PCDHGA6: variants seen among roughly 807,000 people sequenced by gnomAD.
PCDHGA6 encodes the protein protocadherin gamma subfamily A, 6, also known as protocadherin gamma-A6.
PCDHGA6 carries 41 observed loss-of-function variants against 60.6 expected under a neutral mutation model. The observed-to-expected ratio is 0.68, with a 90% CI of 0.53 to 0.88. The LOEUF is 0.88. Among genes scored for constraint, PCDHGA6 ranks in the 40% least tolerant of loss-of-function variants. The pLI is 0.00. For missense variants in PCDHGA6, 1,312 were observed against 1,203.0 expected (o/e 1.09, Z -1.34); for synonymous variants, 594 against 524.4 (o/e 1.13, Z -1.81).
chr5:141,374,277 G>C lies in PCDHGA6; in HGVS notation c.194G>C (p.Arg65Pro). The change falls in exon 1 of 4, where the codon CGC becomes CCC. Residue 65 changes from arginine to proline, a missense_variant. By Grantham distance (103) the Arg-to-Pro change is moderately radical (BLOSUM62 -2). Transcript: ENST00000517434. The part of the protein sequence containing the change: ...EPQELAEHGV[R>P]IVSRGRMQLF... ...CAGGAGTTGGCGGAGCACGGAGTCC[G>C]CATCGTCTCCAGAGGTAGGATGCAG... The C allele has an allele frequency of 1.2e-6, 2 of 1,613,958 alleles. No homozygotes were observed. The highest frequency in any genetic ancestry group is 1.3e-5 in the African/African-American group (1 of 75,066).
At chr5:141,399,063 A>C in intron 1 of PCDHGA6, 1 of 1,613,714 alleles carries the variant, frequency 6.2e-7, no homozygotes. Flanking sequence ...AGGAATATTC[A>C]ATGGTTGTAG....
At chr5:141,428,004 G>A in intron 1 of PCDHGA6, 1 of 1,601,732 alleles carries the variant, frequency 6.2e-7, no homozygotes, top group Non-Finnish European at 8.5e-7. Flanking sequence ...CGCACTCTTC[G>A]ATATAGTGCC....
intron 1 of PCDHGA6, chr5:141,423,595 G>A: frequency 6.2e-7 from 1 of 1,613,216 alleles, no homozygotes; most frequent in Non-Finnish European, 8.5e-7. Flanking sequence ...TGAGAAAAGC[G>A]AGCCACTCTT....
intron 1 of PCDHGA6, chr5:141,383,225 T>C: frequency 6.2e-7 from 1 of 1,613,970 alleles, no homozygotes; most frequent in Non-Finnish European, 8.5e-7. Flanking sequence ...TTTAACATCC[T>C]GATGGAAGAT....
At chr5:141,424,022 A>G (rs2096795541) in intron 1 of PCDHGA6, 13 of 1,046,584 alleles carry the variant, frequency 1.2e-5, no homozygotes, top group Non-Finnish European at 1.4e-5. Context: ...ATGATTCACA[A>G]ACACTTTTTA....
chr5:141,375,232 C>A lies in PCDHGA6; in HGVS notation c.1149C>A (p.Thr383=). ...ACTCTGGCCTGAATGGCCTGGTAAC[C>A]TGTTCCATCCCGAGAAGTCTCCCAT... ...DRDSGLNGLV[T]CSIPRSLPFE... The change falls in exon 1 of 4, where the codon ACC becomes ACA. Residue 383 remains threonine (T), a synonymous_variant. Transcript: ENST00000517434. The A allele has an allele frequency of 6.2e-7, 1 of 1,613,986 alleles. No individual in the cohort carries two copies. Among genetic ancestry groups the A allele is most frequent in the South Asian group, 1.1e-5 (1 of 91,084 alleles).
chr5:141,445,025 C>T (rs2154560886), intron 1 of PCDHGA6, among the ~76,000 whole-genome samples: 2 of 152,200 alleles, frequency 1.3e-5, no homozygotes, highest in Middle Eastern at 6.8e-3. Flanking sequence ...TTTCTCTCAG[C>T]TATGTTGTAT....
chr5:141,417,683 A>AAG lies in PCDHGA6; in HGVS notation c.2424+41177_2424+41178insGA, dbSNP rs201105096. 3.0e-3 allele frequency: 3,154 copies of AAG among 1,038,272 alleles called. 110 individuals carry two copies. In the East Asian group the frequency reaches 0.071, roughly 24 times the overall value. The allele number at this position is 1,038,272 out of a possible 1,614,324, so 64.3% of individuals were successfully genotyped here. The stretch of plus-strand genomic sequence containing the variant: ...GATTCCCTGCGCAGCCAACAACAGA[A>AAG]AAGAAAACCAGCTCCCACACAGAGG... On this transcript the variant is annotated intron_variant, in intron 1 of 3. Transcript: ENST00000517434.
chr5:141,462,243 A>C (rs141980823), intron 1 of PCDHGA6, among the ~76,000 whole-genome samples: 70 of 152,368 alleles, frequency 4.6e-4, no homozygotes, highest in African/African-American at 1.6e-3. Flanking sequence ...TACAGGTATG[A>C]GCCACCATGA....
chr5:141,485,214 G>T lies in PCDHGA6; in HGVS notation c.2425-9593G>T. 6.2e-7 allele frequency: 1 copy of T among 1,614,164 alleles called. No individual in the cohort carries two copies. The highest frequency in any genetic ancestry group is 8.5e-7 in the Non-Finnish European group (1 of 1,179,996). On this transcript the variant is annotated intron_variant, in intron 1 of 3. Transcript: ENST00000517434. This position sits in a 1 kb window ranked among gnomAD's most constrained non-coding sequence, Gnocchi z 5.7. ...AGAAGCTGGACAGAAATCTGGCGGT[G>T]GGCTACCCTTTTGTTCCTCTTTTAC...
intron 1 of PCDHGA6, among the ~76,000 whole-genome samples, chr5:141,492,586 G>C (rs1451055991): frequency 6.6e-6 from 1 of 152,220 alleles, no homozygotes; most frequent in Admixed American, 6.5e-5. Context: ...GGGGCCAGGA[G>C]CGCTGGAGCG....
intron 1 of PCDHGA6, chr5:141,403,638 A>T (rs373036061): frequency 1.9e-6 from 3 of 1,613,906 alleles, no homozygotes; most frequent in Non-Finnish European, 2.5e-6. Flanking sequence ...GTGCGCATCC[A>T]TGTGACAGTG....
rs980172909 is a variant in PCDHGA6, at chr5:141,485,917, G to A, written c.2425-8890G>A. On this transcript the variant is annotated intron_variant, in intron 1 of 3. Transcript: ENST00000517434. The surrounding 1 kb of genome is among the most constrained non-coding windows in gnomAD (Gnocchi z 5.7). ...CAGCCTTCCAGCAATCCAGCTACAGGATTAGTGTGTTGGAGAGCGCACCAG... is the reference window on the plus strand; with the variant it reads ...CAGCCTTCCAGCAATCCAGCTACAGAATTAGTGTGTTGGAGAGCGCACCAG... The A allele has an allele frequency of 2.6e-5, 42 of 1,614,078 alleles. No homozygotes were observed. Among genetic ancestry groups the A allele is most frequent in the Non-Finnish European group, 3.5e-5 (41 of 1,180,050 alleles).
At position 141,389,882 on chromosome 5, in the gene PCDHGA6, G is replaced by T. The variant is rs761230157; in HGVS notation, c.2424+13375G>T. On this transcript the variant is annotated intron_variant, in intron 1 of 3. Transcript: ENST00000517434. ...TGCACCTGGTCTTCGCCGACAGCTT[G>T]CAGGAGGTGCTGCCGGATATCACTG... 1.1e-5 allele frequency: 18 copies of T among 1,614,082 alleles called. No homozygotes were observed. The South Asian group carries it at 1.9e-4, about 17-fold the overall frequency.
intron 1 of PCDHGA6, chr5:141,441,834 C>T (rs370689467): frequency 2.6e-5 from 9 of 352,638 alleles, no homozygotes; most frequent in Non-Finnish European, 3.9e-5. Flanking sequence ...GCAATGGCTT[C>T]GCGCTCTTGG....
chr5:141,409,007 C>T, intron 1 of PCDHGA6: 1 of 1,613,932 alleles, frequency 6.2e-7, no homozygotes, highest in Non-Finnish European at 8.5e-7. Context: ...AGCCACTGAC[C>T]AGGATGAGGG....
At chr5:141,394,992 G>T (rs1392246245) in intron 1 of PCDHGA6, 50 of 1,614,044 alleles carry the variant, frequency 3.1e-5, no homozygotes, top group Non-Finnish European at 4.2e-5. Context: ...CCTGCTCCAG[G>T]ATTCCGGTGG....
chr5:141,476,040 G>T lies in PCDHGA6; in HGVS notation c.2425-18767G>T. On this transcript the variant is annotated intron_variant, in intron 1 of 3. Coordinates refer to ENST00000517434, the MANE Select transcript of PCDHGA6 (RefSeq NM_018919.3). This position sits in a 1 kb window ranked among gnomAD's most constrained non-coding sequence, Gnocchi z 7.6. ...CGGACTCGGCGCCCAGCGCCCAAGC[G>T]CTAACCCGCTGAAAGTTTCTCAGCG... is the stretch of plus-strand genomic sequence containing the variant. 1 of 1,488,704 alleles carries T rather than the reference G, an allele frequency of 6.7e-7. No homozygotes were observed. 92.2% of individuals were successfully genotyped at this position (1,488,704 alleles called of 1,614,324 possible).
chr5:141,433,291 T>A, intron 1 of PCDHGA6: 1 of 1,094,048 alleles, frequency 9.1e-7, no homozygotes, highest in Non-Finnish European at 1.3e-6. Flanking sequence ...ACTCCTAGGC[T>A]CAAGCAATTA....
Sources: allele counts gnomAD v4.1 joint callset (sites outside exome capture counted in the v4.1 genomes callset), GRCh38; gene constraint gnomAD v4.1.1; non-coding constraint Gnocchi (gnomAD v3.1); transcripts MANE v1.5; gene names NCBI Gene and HGNC (gene_info 2026-07-23, HGNC 2026-07-21).